CNBD1: variants seen among roughly 807,000 people sequenced by gnomAD.
CNBD1 encodes cyclic nucleotide binding domain containing 1.
CNBD1 carries 71 observed loss-of-function variants against 54.4 expected under a neutral mutation model. The ratio of observed to expected loss-of-function variants is 1.30; its 90% CI spans 1.08 to 1.59. The LOEUF (loss-of-function observed/expected upper bound fraction) is 1.59. Ranked by LOEUF, CNBD1 falls within the 40% of genes most tolerant of loss-of-function variation. CNBD1 has a pLI of 0.00. For synonymous variants in CNBD1, 182 were observed against 170.7 expected, an observed-to-expected ratio of 1.07 and a Z score of -0.51; for missense variants, 659 against 518.0, an observed-to-expected ratio of 1.27 and a Z score of -2.64.
intron 4 of CNBD1, among the ~76,000 whole-genome samples, chr8:87,096,842 C>G (rs1811330351): frequency 1.3e-5 from 2 of 151,662 alleles, no homozygotes; most frequent in African/African-American, 4.8e-5. Context: ...ACACCTTTAG[C>G]CTGCAAAGCT....
At chr8:87,030,569 G>T (rs1363110432) in intron 4 of CNBD1, among the ~76,000 whole-genome samples, 1 of 151,820 alleles carries the variant, frequency 6.6e-6, no homozygotes. Flanking sequence ...TTCCTAATCT[G>T]CCTGACACTT....
At chr8:86,971,755 G>T (rs1408627643) in intron 4 of CNBD1, among the ~76,000 whole-genome samples, 3 of 151,912 alleles carry the variant, frequency 2.0e-5, no homozygotes, top group Non-Finnish European at 4.4e-5. Flanking sequence ...ACTAAGCATT[G>T]TTAGGATATG....
In CNBD1 at chr8:87,144,820, C is replaced by CAA. The variant is rs58385807; in HGVS notation, c.432-61155_432-61154dup. Among the ~76,000 whole-genome samples the CAA allele has an allele frequency of 4.1e-3, 425 of 104,258 alleles. 1 individual carries two copies. The highest frequency in any genetic ancestry group is 0.012 in the African/African-American group (372 of 29,794). The allele number at this position is 104,258 out of a possible 152,430, so 68.4% of individuals were successfully genotyped here. Reference sequence around the variant, plus strand: ...GGGCAAGGAGAGCGAAACTATGCCTCAAAAAAAAAAAAAAAAAAATACTTG... The same window carrying CAA: ...GGGCAAGGAGAGCGAAACTATGCCTCAAAAAAAAAAAAAAAAAAAAATACTTG... On this transcript the variant is annotated intron_variant, in intron 4 of 10. Transcript: ENST00000518476.
chr8:87,101,955 C>T (rs915770691), intron 4 of CNBD1, among the ~76,000 whole-genome samples: 5 of 148,228 alleles, frequency 3.4e-5, no homozygotes, highest in Non-Finnish European at 5.9e-5. Flanking sequence ...GTGGTGCGAT[C>T]TTGGCTCACT....
intron 8 of CNBD1, among the ~76,000 whole-genome samples, chr8:87,306,580 C>A (rs920171217): frequency 2.0e-5 from 3 of 152,054 alleles, no homozygotes; most frequent in African/African-American, 4.8e-5. Context: ...TACTACACAG[C>A]CATTAAAAGG....
intron 9 of CNBD1, 137 bp downstream of exon 9, chr8:87,351,931 GT>G: frequency 1.1e-6 from 1 of 887,866 alleles, no homozygotes; most frequent in Non-Finnish European, 1.5e-6. Context: ...AAATTTTTGT[GT>G]TTGTTTTTGG....
At chr8:87,269,428 T>A (rs1241059220) in intron 6 of CNBD1, among the ~76,000 whole-genome samples, 1 of 152,122 alleles carries the variant, frequency 6.6e-6, no homozygotes, top group Non-Finnish European at 1.5e-5. Flanking sequence ...CCATATGAAT[T>A]TTGTAATTGT....
At chr8:87,086,758 A>C (rs1811103729) in intron 4 of CNBD1, among the ~76,000 whole-genome samples, 1 of 152,218 alleles carries the variant, frequency 6.6e-6, no homozygotes, top group African/African-American at 2.4e-5. Context: ...TCTATAAAAC[A>C]AAACAAAATA....
intron 8 of CNBD1, among the ~76,000 whole-genome samples, chr8:87,309,404 C>G (rs918297156): frequency 6.6e-6 from 1 of 152,042 alleles, no homozygotes; most frequent in South Asian, 2.1e-4. Flanking sequence ...GTCTTTTATT[C>G]GGGTCAACAT....
At chr8:87,170,008 A>G (rs1299724566) in intron 4 of CNBD1, among the ~76,000 whole-genome samples, 4 of 152,160 alleles carry the variant, frequency 2.6e-5, no homozygotes, top group African/African-American at 7.2e-5. Context: ...TTGTGTATTT[A>G]TGGACATTTT....
intron 8 of CNBD1, among the ~76,000 whole-genome samples, chr8:87,341,772 A>G (rs894913065): frequency 6.6e-6 from 1 of 152,198 alleles, no homozygotes; most frequent in Non-Finnish European, 1.5e-5. Flanking sequence ...AGAGAGCAAA[A>G]CCTTACCAGA....
chr8:87,132,795 G>GTA (rs1483614471), intron 4 of CNBD1, among the ~76,000 whole-genome samples: 4,224 of 144,380 alleles, frequency 0.029, 180 homozygotes, highest in African/African-American at 0.1. Context: ...ATATATATAT[G>GTA]TGTATATATA....
At chr8:87,296,844 C>T (rs1454643412) in intron 8 of CNBD1, among the ~76,000 whole-genome samples, 1 of 151,962 alleles carries the variant, frequency 6.6e-6, no homozygotes, top group Non-Finnish European at 1.5e-5. Context: ...ATGCAAGCCA[C>T]ATATATCATT....
In CNBD1 at chr8:87,227,011, T is replaced by C. The variant is rs1189042259; in HGVS notation, c.578-9908T>C. On this transcript the variant is annotated intron_variant, in intron 5 of 10. Transcript: ENST00000518476. ...ATTATGTAATGGCCTTCTTTGTCTCTTTTGATCTTTGTTGGTTTGAAGTCT... is the reference window on the plus strand; with the variant it reads ...ATTATGTAATGGCCTTCTTTGTCTCCTTTGATCTTTGTTGGTTTGAAGTCT... Among the ~76,000 whole-genome samples the C allele has an allele frequency of 2.6e-5, 4 of 151,006 alleles. No individual in the cohort carries two copies. The East Asian group carries it at 7.7e-4, about 29-fold the overall frequency.
At chr8:87,085,452 T>A (rs1438115042) in intron 4 of CNBD1, among the ~76,000 whole-genome samples, 1 of 152,106 alleles carries the variant, frequency 6.6e-6, no homozygotes, top group African/African-American at 2.4e-5. Context: ...TGTCTAGAAG[T>A]GGGGCTAATT....
intron 8 of CNBD1, among the ~76,000 whole-genome samples, chr8:87,349,553 T>A (rs1019311987): frequency 6.6e-6 from 1 of 152,160 alleles, no homozygotes; most frequent in Non-Finnish European, 1.5e-5. Context: ...TTTTTGTATT[T>A]TTAGTAGAGA....
intron 4 of CNBD1, among the ~76,000 whole-genome samples, chr8:87,098,980 T>G (rs1586255161): frequency 1.5e-5 from 2 of 129,474 alleles, no homozygotes; most frequent in African/African-American, 6.0e-5. Context: ...GGGGTTGCAG[T>G]GAGCTAAGAT....
At chr8:87,057,302 G>GA (rs762169756) in intron 4 of CNBD1, among the ~76,000 whole-genome samples, 2 of 152,112 alleles carry the variant, frequency 1.3e-5, no homozygotes, top group Non-Finnish European at 2.9e-5. Context: ...ATGGCAGCAG[G>GA]AAAAAGGAAT....
chr8:87,037,708 A>G (rs891503112), intron 4 of CNBD1, among the ~76,000 whole-genome samples: 35 of 152,154 alleles, frequency 2.3e-4, no homozygotes, highest in African/African-American at 8.2e-4. Flanking sequence ...TTTTTGGGCT[A>G]CTGATAATTA....
Sources: gnomAD v4.1 joint callset for allele counts (sites outside exome capture counted in the v4.1 genomes callset) on GRCh38, gnomAD v4.1.1 for gene constraint, MANE v1.5 for transcripts, NCBI Gene and HGNC (gene_info 2026-07-23, HGNC 2026-07-21) for gene names.